The following CTBP2 variants were observed in gnomAD, a reference collection of about 807,000 sequenced individuals.
CTBP2 encodes the protein C-terminal-binding protein 2.
CTBP2 carries 30 observed loss-of-function variants against 80.3 expected under a neutral mutation model. The observed-to-expected ratio is 0.37, with a 90% CI of 0.28 to 0.51. CTBP2 has a LOEUF of 0.51. Among genes scored for constraint, CTBP2 ranks in the 20% least tolerant of loss-of-function variants. The pLI, the probability that CTBP2 is intolerant of heterozygous loss-of-function variation, is 0.93. For missense variants in CTBP2, 1,212 were observed against 1,375.3 expected (o/e 0.88, Z 1.88); for synonymous variants, 594 against 587.4 (o/e 1.01, Z -0.16).
At chr10:125,048,288 C>G (rs1961768647) in intron 2 of CTBP2, among the ~76,000 whole-genome samples, 1 of 152,164 alleles carries the variant, frequency 6.6e-6, no homozygotes, top group South Asian at 2.1e-4. Context: ...CTTCCAGAGG[C>G]TGCAGAGACA....
chr10:125,047,451 C>T lies in CTBP2; in HGVS notation c.-101-8296G>A, dbSNP rs115758838. On this transcript the variant is annotated intron_variant, in intron 2 of 10. Transcript: ENST00000337195. ...TGATTCCAGAATGTTTATATCTGAA[C>T]GTCATGCAGAGAAACTGGGCACACA... Among the ~76,000 whole-genome samples the T allele has an allele frequency of 3.8e-3, 572 of 152,218 alleles. 3 individuals are homozygous for T. Among genetic ancestry groups the T allele is most frequent in the African/African-American group, 0.013 (549 of 41,462 alleles).
At chr10:125,125,314 A>C (rs1257502086) in intron 1 of CTBP2, among the ~76,000 whole-genome samples, 2 of 152,198 alleles carry the variant, frequency 1.3e-5, no homozygotes, top group African/African-American at 4.8e-5. Context: ...TGCTATATTT[A>C]AACACAGAGC....
In CTBP2 at chr10:124,987,194, T is replaced by TAGAC. The variant is rs1225599470; in HGVS notation, c.*2323_*2324insGTCT. 6.6e-6 allele frequency: 1 copy of TAGAC among 152,392 alleles called. No homozygotes were observed. The highest frequency in any genetic ancestry group is 1.9e-4 in the East Asian group (1 of 5,188). 9.4% of individuals were successfully genotyped at this position (152,392 alleles called of 1,614,324 possible). A position where few individuals can be genotyped will look rare whatever the true frequency, so the allele number is the denominator to read the frequency against. ...AACAGCCATAATTATTGTCCCAAGA[T>TAGAC]AGAATATAGTCCTTTTTCAAAGATG... On this transcript the variant is annotated 3_prime_UTR_variant, in exon 9 of 9. Coordinates refer to ENST00000309035, the MANE Select transcript of CTBP2 (RefSeq NM_022802.3).
intron 1 of CTBP2, among the ~76,000 whole-genome samples, chr10:125,144,836 G>A (rs555413703): frequency 3.3e-4 from 51 of 152,316 alleles, no homozygotes; most frequent in African/African-American, 1.2e-3. Flanking sequence ...AATATAATCT[G>A]CAAAACCAAT....
At chr10:125,109,063 G>T (rs548220476) in intron 2 of CTBP2, among the ~76,000 whole-genome samples, 1 of 152,320 alleles carries the variant, frequency 6.6e-6, no homozygotes, top group Admixed American at 6.5e-5. Flanking sequence ...TGCTAAACAG[G>T]ATCCCAGAGT....
At chr10:125,129,310 C>T (rs1180336042) in intron 1 of CTBP2, among the ~76,000 whole-genome samples, 4 of 151,960 alleles carry the variant, frequency 2.6e-5, no homozygotes, top group East Asian at 1.9e-4. Context: ...TTGGGGGGTA[C>T]GCAGGTATGT....
intron 1 of CTBP2, among the ~76,000 whole-genome samples, chr10:125,128,221 A>G (rs1040320144): frequency 1.3e-5 from 2 of 152,160 alleles, no homozygotes; most frequent in African/African-American, 2.4e-5. Context: ...CTACCATGTG[A>G]CCATCAGTAG....
At chr10:125,009,195 G>T (rs764729827) in intron 1 of CTBP2, among the ~76,000 whole-genome samples, 2 of 152,152 alleles carry the variant, frequency 1.3e-5, no homozygotes, top group South Asian at 4.1e-4. Context: ...GCCTTACTAA[G>T]TAAATTAAAT....
intron 2 of CTBP2, among the ~76,000 whole-genome samples, chr10:125,081,816 T>C (rs1847213900): frequency 1.3e-5 from 2 of 151,008 alleles, no homozygotes; most frequent in African/African-American, 4.9e-5. Context: ...AAAGTAAGAG[T>C]CACAGCATGT....
chr10:125,161,440 T>A (rs1344447668), upstream of CTBP2, among the ~76,000 whole-genome samples: 1 of 151,378 alleles, frequency 6.6e-6, no homozygotes, highest in Non-Finnish European at 1.5e-5. Context: ...CCCGGTCCCA[T>A]GGGGCCCCGC....
intron 3 of CTBP2, among the ~76,000 whole-genome samples, chr10:125,002,231 C>G (rs954711509): frequency 1.3e-5 from 2 of 152,232 alleles, no homozygotes; most frequent in African/African-American, 2.4e-5. Flanking sequence ...CAGTGCCCAC[C>G]TGGCCCTCTC....
chr10:125,017,335 A>C (rs1388627565), intron 1 of CTBP2, among the ~76,000 whole-genome samples: 1 of 152,148 alleles, frequency 6.6e-6, no homozygotes, highest in Non-Finnish European at 1.5e-5. Context: ...GGAGAAACTC[A>C]CCTCTGCTTC....
At chr10:125,153,851 C>T (rs113453000) in intron 1 of CTBP2, among the ~76,000 whole-genome samples, 3 of 152,288 alleles carry the variant, frequency 2.0e-5, no homozygotes, top group South Asian at 2.1e-4. Flanking sequence ...TGTCCTGGGA[C>T]GGGACAGATT....
intron 1 of CTBP2, 40 bp from the exon 4 acceptor site, chr10:125,003,532 T>A: frequency 6.7e-7 from 1 of 1,495,540 alleles, no homozygotes. Context: ...GGTGGGTGGC[T>A]GGGGCCACAG....
Position 125,027,661 on chromosome 10 carries a change from C to A in CTBP2, c.99G>T (p.Arg33=), listed in dbSNP as rs1957788260. The A allele has an allele frequency of 1.2e-6, 2 of 1,613,950 alleles. No individual in the cohort carries two copies. Among genetic ancestry groups the A allele is most frequent in the Non-Finnish European group, 1.7e-6 (2 of 1,180,032 alleles). Residue 33 remains arginine (R), a synonymous_variant, in exon 1 of 9, where the codon CGG becomes CGT. Transcript: ENST00000309035. ...TCAGGGAGCTTCTCCTCCCCAGAGGCCGCAGGGACTCGGCGTTCTCCCAGG... is the reference window on the plus strand; with the variant it reads ...TCAGGGAGCTTCTCCTCCCCAGAGGACGCAGGGACTCGGCGTTCTCCCAGG...
chr10:125,079,760 G>A (rs941225430), intron 2 of CTBP2, among the ~76,000 whole-genome samples: 1 of 152,194 alleles, frequency 6.6e-6, no homozygotes, highest in Non-Finnish European at 1.5e-5. Flanking sequence ...TCAGTTCCAC[G>A]CTTAGGACAA....
intron 4 of CTBP2, chr10:124,997,696 G>A: frequency 1.9e-6 from 1 of 533,014 alleles, no homozygotes; most frequent in Non-Finnish European, 3.4e-6. Flanking sequence ...CTTGCCCGCT[G>A]CCCCACAGCA....
chr10:124,995,625 T>C (rs1953377369), intron 4 of CTBP2, among the ~76,000 whole-genome samples: 2 of 152,188 alleles, frequency 1.3e-5, no homozygotes, highest in South Asian at 4.1e-4. Context: ...ATCTAACCGA[T>C]GGCCTGGCTA....
intron 2 of CTBP2, among the ~76,000 whole-genome samples, chr10:125,106,209 C>A (rs180866801): frequency 4.0e-5 from 6 of 151,270 alleles, no homozygotes; most frequent in African/African-American, 1.5e-4. Context: ...ACCCCATGTG[C>A]GGCCCCACTT....
Sources: gnomAD v4.1 joint callset for allele counts (sites outside exome capture counted in the v4.1 genomes callset) on GRCh38, gnomAD v4.1.1 for gene constraint, MANE v1.5 for transcripts, NCBI Gene and HGNC (gene_info 2026-07-23, HGNC 2026-07-21) for gene names.